SPTBN4: variants seen among roughly 807,000 people sequenced by gnomAD.
SPTBN4 encodes spectrin beta, non-erythrocytic 4.
A neutral mutation model predicts 277.8 loss-of-function variants in SPTBN4; 96 were observed. The observed-to-expected ratio is 0.35, with a 90% CI of 0.29 to 0.41. The LOEUF (loss-of-function observed/expected upper bound fraction) is 0.41. Among genes scored for constraint, SPTBN4 ranks in the 10% least tolerant of loss-of-function variants. SPTBN4 has a pLI of 1.00. For synonymous variants in SPTBN4, 1,481 were observed against 1,580.3 expected, an observed-to-expected ratio of 0.94 and a Z score of 1.49; for missense variants, 3,006 against 3,595.7, an observed-to-expected ratio of 0.84 and a Z score of 4.19.
At chr19:40,471,915 T>C (rs1301966490) in intron 1 of SPTBN4, among the ~76,000 whole-genome samples, 2 of 149,818 alleles carry the variant, frequency 1.3e-5, no homozygotes, top group African/African-American at 2.5e-5. Flanking sequence ...ATTTTTTTTT[T>C]TTTTTTTTTT....
At position 40,497,987 on chromosome 19, in the gene SPTBN4, A is replaced by AT. The variant is rs1211635417; in HGVS notation, c.784+384dup. On this transcript the variant is annotated intron_variant, in intron 7 of 35. Coordinates refer to ENST00000598249, the MANE Select transcript of SPTBN4 (RefSeq NM_020971.3). Reference sequence around the variant, plus strand: ...CAAACCCAGTGGCATCTCCAACGCCATCCCCACCCCTAACGCCAACCCCAT... The same window carrying AT: ...CAAACCCAGTGGCATCTCCAACGCCATTCCCCACCCCTAACGCCAACCCCAT... Among the ~76,000 whole-genome samples the AT allele has an allele frequency of 2.2e-5, 3 of 139,510 alleles. No individual in the cohort carries two copies. The Admixed American group carries it at 2.2e-4, about 10-fold the overall frequency. The allele number at this position is 139,510 out of a possible 152,430, so 91.5% of individuals were successfully genotyped here.
intron 2 of SPTBN4, among the ~76,000 whole-genome samples, chr19:40,483,334 T>C (rs2080033637): frequency 6.6e-6 from 1 of 152,134 alleles, no homozygotes; most frequent in African/African-American, 2.4e-5. Context: ...AAATCCTCAA[T>C]TTAAAATAAT....
At position 40,534,057 on chromosome 19, in the gene SPTBN4, T is replaced by C. The variant is rs962589928; in HGVS notation, c.4096-23T>C. ...CCATCTATCTATCTTCTCCATCTCCTGCCATCCACCCACTTGGGGCAGGAG... is the reference window on the plus strand; with the variant it reads ...CCATCTATCTATCTTCTCCATCTCCCGCCATCCACCCACTTGGGGCAGGAG... On this transcript the variant is annotated intron_variant, in intron 19 of 35. Transcript: ENST00000598249. 1.9e-6 allele frequency: 3 copies of C among 1,586,600 alleles called. No homozygotes were observed. In the African/African-American group the frequency reaches 4.0e-5, roughly 21 times the overall value.
At position 40,546,003 on chromosome 19, in the gene SPTBN4, T is replaced by C. The variant is rs192740524; in HGVS notation, c.4360-3186T>C. Among the ~76,000 whole-genome samples, 721 of 138,244 alleles carry C rather than the reference T, an allele frequency of 5.2e-3. 9 individuals carry two copies. Among genetic ancestry groups the C allele is most frequent in the African/African-American group, 0.019 (693 of 36,326 alleles). The allele number at this position is 138,244 out of a possible 152,430, so 90.7% of individuals were successfully genotyped here. On this transcript the variant is annotated intron_variant, in intron 20 of 35. Coordinates refer to ENST00000598249, the MANE Select transcript of SPTBN4 (RefSeq NM_020971.3). ...GCTTGGAGCTTGCAGTGAGCCAAGA[T>C]AGCACCATTGCACTCCAGCCTGGGC...
At chr19:40,469,688 G>C (rs1474724934) in intron 1 of SPTBN4, among the ~76,000 whole-genome samples, 2 of 151,630 alleles carry the variant, frequency 1.3e-5, no homozygotes, top group Non-Finnish European at 2.9e-5. Context: ...CTCTCACCCA[G>C]GCTAGAGTGC....
intron 22 of SPTBN4, among the ~76,000 whole-genome samples, chr19:40,551,514 G>T (rs1203815935): frequency 1.3e-5 from 2 of 152,134 alleles, no homozygotes; most frequent in Admixed American, 1.3e-4. Flanking sequence ...TGAGCAAGGT[G>T]GGGGAGGGGG....
At chr19:40,491,736 A>AAAAAAC (rs2080139133) in intron 4 of SPTBN4, among the ~76,000 whole-genome samples, 1 of 149,534 alleles carries the variant, frequency 6.7e-6, no homozygotes, top group Non-Finnish European at 1.5e-5. Flanking sequence ...AAAAAAAAAA[A>AAAAAAC]AAGTGACCGG....
rs2080947847 is a variant in SPTBN4, at chr19:40,554,110, C to G, written c.4675-37C>G. On this transcript the variant is annotated intron_variant, in intron 22 of 35. Transcript: ENST00000598249. The surrounding 1 kb of genome is among the most constrained non-coding windows in gnomAD (Gnocchi z 5.7). The stretch of plus-strand genomic sequence containing the variant: ...TGGTCTTGCAGGGCCTCGGAACGCC[C>G]CCTCTCCACCCACATCCCCTTACCT... 7.1e-7 allele frequency: 1 copy of G among 1,408,026 alleles called. No individual in the cohort carries two copies. The highest frequency in any genetic ancestry group is 9.1e-7 in the Non-Finnish European group (1 of 1,093,196). 87.2% of individuals were successfully genotyped at this position (1,408,026 alleles called of 1,614,324 possible).
At chr19:40,495,225 C>G (rs1386721061) in intron 6 of SPTBN4, among the ~76,000 whole-genome samples, 3 of 152,134 alleles carry the variant, frequency 2.0e-5, no homozygotes, top group African/African-American at 7.2e-5. Context: ...ACACATGAGC[C>G]CTCGCACAGA....
intron 17 of SPTBN4, among the ~76,000 whole-genome samples, chr19:40,524,116 T>C (rs767195616): frequency 1.3e-5 from 2 of 152,106 alleles, no homozygotes; most frequent in African/African-American, 2.4e-5. Context: ...TGTGAAAAGG[T>C]AACCTGAGGC....
intron 2 of SPTBN4, among the ~76,000 whole-genome samples, chr19:40,480,962 C>T (rs540916645): frequency 5.3e-5 from 8 of 152,078 alleles, no homozygotes; most frequent in South Asian, 4.2e-4. Context: ...CTACTCAGGA[C>T]GCTGAGGCAG....
rs1224491792 is a variant in SPTBN4 at position 40,554,747 on chromosome 19, A to G, written c.5084+101A>G. 1 of 1,522,482 alleles carries G rather than the reference A, an allele frequency of 6.6e-7. No homozygotes were observed. The highest frequency in any genetic ancestry group is 2.0e-5 in the Admixed American group (1 of 50,628). 94.3% of individuals were successfully genotyped at this position (1,522,482 alleles called of 1,614,324 possible). On this transcript the variant is annotated intron_variant, in intron 24 of 35. Coordinates refer to ENST00000598249, the MANE Select transcript of SPTBN4 (RefSeq NM_020971.3). The surrounding 1 kb of genome is among the most constrained non-coding windows in gnomAD (Gnocchi z 5.7). ...GCTGGAATTGGACGTTGGGTGGGAG[A>G]GGTCCTCCTTGCTGTGTGCTGGAGC...
At chr19:40,497,841 C>A (rs896689228) in intron 7 of SPTBN4, among the ~76,000 whole-genome samples, 7 of 151,844 alleles carry the variant, frequency 4.6e-5, no homozygotes, top group East Asian at 1.9e-4. Flanking sequence ...CATCCCCAAC[C>A]GTGTCCCAAC....
At chr19:40,527,932 T>C (rs1052144469) in intron 17 of SPTBN4, among the ~76,000 whole-genome samples, 1 of 151,648 alleles carries the variant, frequency 6.6e-6, no homozygotes, top group Non-Finnish European at 1.5e-5. Context: ...GGTGGGCGCC[T>C]GTAATCCCAG....
rs1387401662 is a variant in SPTBN4 at position 40,513,344 on chromosome 19, T to A, written c.2555T>A (p.Leu852Gln). 1 of 1,590,522 alleles carries A rather than the reference T, an allele frequency of 6.3e-7. No homozygotes were observed. Reference sequence around the variant, plus strand: ...GGCGCAGGGCCACTGGTGGTGGCGCTGCAGGTGCGCGTGGTGGAAGCAGAG... The same window carrying A: ...GGCGCAGGGCCACTGGTGGTGGCGCAGCAGGTGCGCGTGGTGGAAGCAGAG... ...ASGAGPLVVA[L>Q]QVRVVEAEQL... The change falls in exon 14 of 36, where the codon CTG becomes CAG. Residue 852 changes from leucine (L) to glutamine (Q), a missense_variant. Leu to Gln is a moderately radical substitution (Grantham distance 113). This residue lies in a region of SPTBN4 where 1,759 missense variants were observed against 2,061.5 expected (regional missense o/e 0.85). Transcript: ENST00000598249.
intron 19 of SPTBN4, among the ~76,000 whole-genome samples, chr19:40,533,422 G>A (rs991462727): frequency 1.1e-4 from 17 of 151,986 alleles, no homozygotes. Context: ...AGTCTTGGAG[G>A]GACTGAGGTA....
chr19:40,473,990 A>AG (rs2079917417), intron 2 of SPTBN4, among the ~76,000 whole-genome samples: 1 of 146,570 alleles, frequency 6.8e-6, no homozygotes, highest in Non-Finnish European at 1.5e-5. Context: ...AAAAATAAAA[A>AG]TAAAAAAAAA....
chr19:40,481,976 G>A (rs2080017394), intron 2 of SPTBN4, among the ~76,000 whole-genome samples: 1 of 147,880 alleles, frequency 6.8e-6, no homozygotes. Flanking sequence ...TTGCTCTGTT[G>A]CCCAGGCTGG....
rs1375161906 is a variant in SPTBN4 at position 40,512,992 on chromosome 19, G to A, written c.2203G>A (p.Gly735Arg). 2.8e-6 allele frequency: 4 copies of A among 1,427,724 alleles called. No individual in the cohort carries two copies. The highest frequency in any genetic ancestry group is 1.5e-5 in the African/African-American group (1 of 66,494). 88.4% of individuals were successfully genotyped at this position (1,427,724 alleles called of 1,614,324 possible). A position where few individuals can be genotyped will look rare whatever the true frequency, so the allele number is the denominator to read the frequency against. Residue 735 changes from glycine (G) to arginine (R), a missense_variant, in exon 14 of 36, where the codon GGA becomes AGA. Around this residue, in one of 5 missense-constraint regions of SPTBN4, gnomAD observed 1,759 missense variants for 2,061.5 expected, o/e 0.85. Coordinates refer to ENST00000598249, the MANE Select transcript of SPTBN4 (RefSeq NM_020971.3). ...LVAAGGAVGPGADTVHLVGLA... is the reference protein window; with the variant it reads ...LVAAGGAVGPRADTVHLVGLA... ...TGCGGCCGGCGGTGCCGTCGGCCCGGGAGCAGACACCGTGCACCTGGTAGG... is the reference window on the plus strand; with the variant it reads ...TGCGGCCGGCGGTGCCGTCGGCCCGAGAGCAGACACCGTGCACCTGGTAGG...
Sources: allele counts gnomAD v4.1 joint callset (sites outside exome capture counted in the v4.1 genomes callset), GRCh38; gene constraint gnomAD v4.1.1; regional missense constraint gnomAD v4.1.1; non-coding constraint Gnocchi (gnomAD v3.1); transcripts MANE v1.5; gene names NCBI Gene and HGNC (gene_info 2026-07-23, HGNC 2026-07-21).